The following ZFHX3 variants were observed in gnomAD, a reference collection of about 807,000 sequenced individuals.
ZFHX3 encodes the protein zinc finger homeobox protein 3.
Under a neutral mutation model 279.1 loss-of-function variants are expected in ZFHX3, and 42 were observed. The observed-to-expected ratio is 0.15, with a 90% confidence interval of 0.12 to 0.19. ZFHX3 has a LOEUF of 0.19. Ranked by LOEUF, ZFHX3 falls within the 10% of genes least tolerant of loss-of-function variation. The pLI is 1.00. For synonymous variants in ZFHX3, 2,293 were observed against 1,957.8 expected, an observed-to-expected ratio of 1.17 and a Z score of -4.52; for missense variants, 4,981 against 4,754.0, an observed-to-expected ratio of 1.05 and a Z score of -1.40.
chr16:72,953,974 A>G (rs1025512229), intron 2 of ZFHX3, among the ~76,000 whole-genome samples: 1 of 152,232 alleles, frequency 6.6e-6, no homozygotes, highest in African/African-American at 2.4e-5. Flanking sequence ...TATGCCTCAG[A>G]GAAACAAGCC....
chr16:73,157,262 C>T (rs1048344300), intron 5 of ZFHX3, among the ~76,000 whole-genome samples: 1 of 151,924 alleles, frequency 6.6e-6, no homozygotes, highest in African/African-American at 2.4e-5. Flanking sequence ...CTCTTAAGTC[C>T]TGGGTTTTCC....
At chr16:73,887,294 T>C (rs908467816) in intron 1 of ZFHX3, among the ~76,000 whole-genome samples, 1 of 152,184 alleles carries the variant, frequency 6.6e-6, no homozygotes, top group Non-Finnish European at 1.5e-5. Context: ...TGGCAGGATC[T>C]TCCTCAAAAT....
intron 2 of ZFHX3, among the ~76,000 whole-genome samples, chr16:73,607,231 A>T (rs1483772796): frequency 6.6e-6 from 1 of 152,006 alleles, no homozygotes; most frequent in Non-Finnish European, 1.5e-5. Context: ...GTTTCACCAT[A>T]TTGGCCAGGC....
At chr16:73,416,035 G>A (rs902447008) in intron 3 of ZFHX3, among the ~76,000 whole-genome samples, 3 of 150,068 alleles carry the variant, frequency 2.0e-5, no homozygotes, top group African/African-American at 7.4e-5. Flanking sequence ...CAGGAGAATC[G>A]CTTGAACCCG....
At chr16:73,682,950 GAA>G (rs367768557) in intron 1 of ZFHX3, among the ~76,000 whole-genome samples, 596 of 18,994 alleles carry the variant, frequency 0.031, 41 homozygotes, top group Admixed American at 0.057. Flanking sequence ...AAGAAAGAAA[GAA>G]AGAAAGAAAG....
At chr16:73,562,299 G>A (rs1321938310) in intron 2 of ZFHX3, among the ~76,000 whole-genome samples, 1 of 152,134 alleles carries the variant, frequency 6.6e-6, no homozygotes, top group Non-Finnish European at 1.5e-5. Flanking sequence ...TCCATCTTAA[G>A]AAGTGGCTAT....
intron 5 of ZFHX3, among the ~76,000 whole-genome samples, chr16:73,208,944 A>G (rs905766043): frequency 4.6e-5 from 7 of 152,172 alleles, no homozygotes; most frequent in Non-Finnish European, 8.8e-5. Flanking sequence ...TCATCCTTTT[A>G]TTGGGTTTTG....
intron 3 of ZFHX3, among the ~76,000 whole-genome samples, chr16:73,344,909 G>A (rs1179808179): frequency 6.6e-6 from 1 of 152,184 alleles, no homozygotes; most frequent in African/African-American, 2.4e-5. Flanking sequence ...CTTTGAGAGT[G>A]GGCAACTGCT....
intron 2 of ZFHX3, among the ~76,000 whole-genome samples, chr16:73,475,795 C>T (rs968086873): frequency 6.6e-6 from 1 of 151,946 alleles, no homozygotes; most frequent in Non-Finnish European, 1.5e-5. Context: ...TATATAAATA[C>T]TTTAGCCCAA....
chr16:73,060,103 A>C (rs1965661705), upstream of ZFHX3: 1 of 152,142 alleles, frequency 6.6e-6, no homozygotes, highest in Non-Finnish European at 1.5e-5. Context: ...GCAGGGATGT[A>C]ATAAAGGCAG....
chr16:73,646,020 T>C (rs1054479781), intron 2 of ZFHX3, among the ~76,000 whole-genome samples: 24 of 152,172 alleles, frequency 1.6e-4, no homozygotes, highest in Non-Finnish European at 3.2e-4. Flanking sequence ...AAAATCGATA[T>C]AGCCTTTTGG....
At chr16:73,601,302 A>C (rs1170442863) in intron 2 of ZFHX3, among the ~76,000 whole-genome samples, 2 of 148,200 alleles carry the variant, frequency 1.3e-5, no homozygotes, top group South Asian at 2.1e-4. Context: ...AAAAATACAA[A>C]AAAAAAAAAA....
chr16:73,327,110 T>C (rs575596085), intron 3 of ZFHX3, among the ~76,000 whole-genome samples: 14 of 152,262 alleles, frequency 9.2e-5, no homozygotes, highest in South Asian at 6.2e-4. Context: ...TGGTCATGGG[T>C]CTTAAGGATC....
intron 1 of ZFHX3, among the ~76,000 whole-genome samples, chr16:73,023,587 C>T (rs1008112219): frequency 2.0e-5 from 3 of 152,252 alleles, no homozygotes; most frequent in Non-Finnish European, 2.9e-5. Context: ...ACTGTGCTTA[C>T]GCAGGTCACA....
intron 3 of ZFHX3, among the ~76,000 whole-genome samples, chr16:73,387,915 C>T (rs936468422): frequency 5.3e-5 from 8 of 151,764 alleles, no homozygotes; most frequent in Non-Finnish European, 1.0e-4. Context: ...AAGAATAGCT[C>T]GCCTAGTTAA....
chr16:73,626,789 A>T (rs1443008486), intron 2 of ZFHX3, among the ~76,000 whole-genome samples: 2 of 152,156 alleles, frequency 1.3e-5, no homozygotes, highest in Non-Finnish European at 2.9e-5. Context: ...TTTGCAACTC[A>T]TATCTGGGGC....
chr16:73,438,686 C>G (rs1022989751), intron 3 of ZFHX3, among the ~76,000 whole-genome samples: 1 of 151,822 alleles, frequency 6.6e-6, no homozygotes, highest in Non-Finnish European at 1.5e-5. Flanking sequence ...TAATGATAAC[C>G]CTTAATTATT....
At chr16:73,611,432 CATTA>C (rs2052245310) in intron 2 of ZFHX3, among the ~76,000 whole-genome samples, 1 of 152,176 alleles carries the variant, frequency 6.6e-6, no homozygotes, top group Non-Finnish European at 1.5e-5. Flanking sequence ...ACACAATACT[CATTA>C]ATTATCTTTT....
chr16:73,429,445 G>T (rs577600588), intron 3 of ZFHX3, among the ~76,000 whole-genome samples: 9 of 152,186 alleles, frequency 5.9e-5, no homozygotes, highest in Admixed American at 2.6e-4. Flanking sequence ...CAATTCTCCT[G>T]CCTTAGCCTC....
Sources: allele counts gnomAD v4.1 joint callset (sites outside exome capture counted in the v4.1 genomes callset), GRCh38; gene constraint gnomAD v4.1.1; transcripts MANE v1.5; gene names NCBI Gene and HGNC (gene_info 2026-07-23, HGNC 2026-07-21).